Variants in PHACTR1 observed in about 807,000 individuals in gnomAD.
PHACTR1 encodes the protein RPEL repeat containing 1.
Under a neutral mutation model 69.2 loss-of-function variants are expected in PHACTR1, and 16 were observed. The ratio of observed to expected loss-of-function variants is 0.23; its 90% CI spans 0.16 to 0.35. The LOEUF (loss-of-function observed/expected upper bound fraction) is 0.35. Among genes scored for constraint, PHACTR1 ranks in the 10% least tolerant of loss-of-function variants. The pLI is 1.00. For synonymous variants in PHACTR1, 312 were observed against 284.5 expected (o/e 1.10, Z -0.97); for missense variants, 510 against 734.7 (o/e 0.69, Z 3.54).
chr6:13,068,826 G>A (rs1809058593), intron 5 of PHACTR1, among the ~76,000 whole-genome samples: 1 of 152,158 alleles, frequency 6.6e-6, no homozygotes, highest in African/African-American at 2.4e-5. Context: ...GGGAAGGTGA[G>A]CACAGTATCC....
intron 4 of PHACTR1, among the ~76,000 whole-genome samples, chr6:12,885,476 G>A (rs1344813965): frequency 6.6e-6 from 1 of 152,236 alleles, no homozygotes; most frequent in African/African-American, 2.4e-5. Context: ...CAGGGATAGA[G>A]GATGTTTGAG....
chr6:12,995,991 A>G (rs1484918484), intron 4 of PHACTR1, among the ~76,000 whole-genome samples: 1 of 152,154 alleles, frequency 6.6e-6, no homozygotes, highest in Non-Finnish European at 1.5e-5. Flanking sequence ...GTACATCAAA[A>G]GTAAATCATT....
At chr6:12,963,183 A>T (rs113251700) in intron 4 of PHACTR1, among the ~76,000 whole-genome samples, 15 of 152,346 alleles carry the variant, frequency 9.8e-5, no homozygotes, top group African/African-American at 3.4e-4. Flanking sequence ...AGAGGAACTG[A>T]CGCTTCTTCC....
chr6:12,830,103 AAG>A (rs1408203631), intron 4 of PHACTR1, among the ~76,000 whole-genome samples: 1 of 25,870 alleles, frequency 3.9e-5, no homozygotes, highest in Admixed American at 6.0e-4. Context: ...GAAAGAAAGA[AAG>A]AAAGAAAGAA....
chr6:13,141,724 CTTTTTTTT>C (rs577073698), intron 5 of PHACTR1, among the ~76,000 whole-genome samples: 4 of 89,830 alleles, frequency 4.5e-5, no homozygotes, highest in African/African-American at 1.2e-4. Flanking sequence ...TTTCTTCTTT[CTTTTTTTT>C]TTTTTTTTTT....
intron 4 of PHACTR1, among the ~76,000 whole-genome samples, chr6:12,947,118 G>T (rs1393281134): frequency 6.6e-6 from 1 of 151,798 alleles, no homozygotes; most frequent in Non-Finnish European, 1.5e-5. Flanking sequence ...GATGGTGCTG[G>T]ATTTTTAGTG....
chr6:13,069,572 C>T (rs1040935989), intron 5 of PHACTR1, among the ~76,000 whole-genome samples: 2 of 152,022 alleles, frequency 1.3e-5, no homozygotes, highest in South Asian at 2.1e-4. Context: ...CTTTCTTCCT[C>T]GGCTCTGGTT....
intron 5 of PHACTR1, among the ~76,000 whole-genome samples, chr6:13,059,205 A>C (rs1239059427): frequency 6.6e-6 from 1 of 152,120 alleles, no homozygotes; most frequent in East Asian, 1.9e-4. Flanking sequence ...CACCCTGCCA[A>C]GTGAAACATA....
chr6:12,809,697 T>A (rs1774804694), intron 4 of PHACTR1, among the ~76,000 whole-genome samples: 1 of 152,220 alleles, frequency 6.6e-6, no homozygotes, highest in Non-Finnish European at 1.5e-5. Context: ...CACAGGTGTC[T>A]TACTTAGAGA....
chr6:12,878,447 A>T (rs1166261442), intron 4 of PHACTR1, among the ~76,000 whole-genome samples: 1 of 152,246 alleles, frequency 6.6e-6, no homozygotes, highest in Non-Finnish European at 1.5e-5. Context: ...ATTGAAATTG[A>T]GTATTTCTTA....
At chr6:13,163,142 G>C (rs1159577690) in intron 6 of PHACTR1, among the ~76,000 whole-genome samples, 1 of 152,220 alleles carries the variant, frequency 6.6e-6, no homozygotes, top group Admixed American at 6.5e-5. Context: ...CTACTTGGGA[G>C]GCTGAGGCAG....
chr6:12,844,922 A>C (rs1779054884), intron 4 of PHACTR1, among the ~76,000 whole-genome samples: 2 of 152,164 alleles, frequency 1.3e-5, no homozygotes, highest in Admixed American at 1.3e-4. Context: ...AAAAACATAA[A>C]TACTTGAGCA....
chr6:12,743,471 A>G (rs1765340869), intron 3 of PHACTR1, among the ~76,000 whole-genome samples: 1 of 152,170 alleles, frequency 6.6e-6, no homozygotes, highest in Non-Finnish European at 1.5e-5. Context: ...GAGTTTTCTA[A>G]AGCCAAGTCC....
intron 5 of PHACTR1, among the ~76,000 whole-genome samples, chr6:13,065,604 A>G (rs1049935467): frequency 6.6e-6 from 1 of 152,040 alleles, no homozygotes; most frequent in African/African-American, 2.4e-5. Flanking sequence ...GAGAGGGAAA[A>G]TGAGAAATAT....
chr6:13,141,504 A>G (rs1403429074), intron 5 of PHACTR1, among the ~76,000 whole-genome samples: 1 of 152,194 alleles, frequency 6.6e-6, no homozygotes, highest in Admixed American at 6.5e-5. Context: ...GTCAAAAACA[A>G]AATCAGAAGT....
chr6:13,114,377 T>C (rs932059733), intron 5 of PHACTR1, among the ~76,000 whole-genome samples: 9 of 152,186 alleles, frequency 5.9e-5, no homozygotes, highest in Admixed American at 6.5e-5. Flanking sequence ...TTAGGAATAA[T>C]GGATAGTCTC....
intron 4 of PHACTR1, among the ~76,000 whole-genome samples, chr6:12,772,755 A>T (rs976407281): frequency 6.6e-6 from 1 of 152,226 alleles, no homozygotes; most frequent in South Asian, 2.1e-4. Context: ...TTGATCAAAA[A>T]TACCACCCTT....
At chr6:12,751,831 A>G (rs1766654825) in intron 4 of PHACTR1, among the ~76,000 whole-genome samples, 1 of 152,202 alleles carries the variant, frequency 6.6e-6, no homozygotes, top group African/African-American at 2.4e-5. Flanking sequence ...AGAAATGCAG[A>G]GAGGATATTG....
chr6:13,003,043 G>A (rs1204257143), intron 4 of PHACTR1, among the ~76,000 whole-genome samples: 1 of 152,116 alleles, frequency 6.6e-6, no homozygotes, highest in Non-Finnish European at 1.5e-5. Flanking sequence ...CAGATTTGAA[G>A]GTTTATCTTC....
Sources: gnomAD v4.1 joint callset for allele counts (sites outside exome capture counted in the v4.1 genomes callset) on GRCh38, gnomAD v4.1.1 for gene constraint, MANE v1.5 for transcripts, NCBI Gene and HGNC (gene_info 2026-07-23, HGNC 2026-07-21) for gene names.